GSE1: variants seen among roughly 807,000 people sequenced by gnomAD.
The protein encoded by GSE1 is genetic suppressor element 1.
Under a neutral mutation model 112.6 loss-of-function variants are expected in GSE1, and 32 were observed. The ratio of observed to expected loss-of-function variants is 0.28; its 90% CI spans 0.21 to 0.38. The LOEUF (loss-of-function observed/expected upper bound fraction) is 0.38, where lower values mean the gene tolerates loss of function less well. Ranked by LOEUF, GSE1 falls within the 10% of genes least tolerant of loss-of-function variation. The probability of loss-of-function intolerance (pLI) is 1.00; values close to 1 mark genes in which losing one functional copy is unlikely to be tolerated. For missense variants in GSE1, 2,348 were observed against 1,699.2 expected (o/e 1.38, Z -6.71); for synonymous variants, 1,115 against 735.6 (o/e 1.52, Z -8.35).
chr16:85,587,262 A>G (rs1263777575), intron 1 of GSE1, among the ~76,000 whole-genome samples: 1 of 152,126 alleles, frequency 6.6e-6, no homozygotes, highest in East Asian at 1.9e-4. Flanking sequence ...AAAGGGGGAA[A>G]CGGCGATGTG....
chr16:85,533,155 G>A (rs1330671425), intron 2 of GSE1, among the ~76,000 whole-genome samples: 1 of 152,128 alleles, frequency 6.6e-6, no homozygotes. Context: ...GCTCACGCCT[G>A]TAATCCCAGC....
At position 85,367,565 on chromosome 16, in the gene GSE1, C is replaced by T. The variant is rs74356125; in HGVS notation, c.2464+9922C>T. ...AGAGACCTGAGGGCGTGGCTTTAGA[C>T]GGGTGGTCGCAGAGGCCTAAGGAGG... is the stretch of plus-strand genomic sequence containing the variant. On this transcript the variant is annotated intron_variant, in intron 2 of 2. Coordinates refer to the GSE1 transcript ENST00000637419. 2.7e-4 allele frequency among the ~76,000 whole-genome samples: 41 copies of T among 152,274 alleles called. No homozygotes were observed. In the East Asian group the frequency reaches 6.6e-3, roughly 24 times the overall value.
intron 1 of GSE1, among the ~76,000 whole-genome samples, chr16:85,197,462 C>T (rs116142861): frequency 6.6e-6 from 1 of 152,206 alleles, no homozygotes; most frequent in African/African-American, 2.4e-5. Context: ...TCCAGCATAA[C>T]ACCCAGGGTG....
chr16:85,663,481 G>A lies in GSE1; in HGVS notation c.2511G>A (p.Gln837=), dbSNP rs763330643. 4.3e-6 allele frequency: 7 copies of A among 1,613,948 alleles called. No homozygotes were observed. The South Asian group carries it at 5.5e-5, about 13-fold the overall frequency. ...CCCCAACAATTCAGAGCAAGCGGCAGACGCCTTCACCGAGACTGGCGCTGT... is the reference window on the plus strand; with the variant it reads ...CCCCAACAATTCAGAGCAAGCGGCAAACGCCTTCACCGAGACTGGCGCTGT... ...PSPPTIQSKR[Q]TPSPRLALST... Residue 837 remains glutamine (Q), a synonymous_variant, in exon 11 of 16, where the codon CAG becomes CAA. Transcript: ENST00000253458.
intron 2 of GSE1, among the ~76,000 whole-genome samples, chr16:85,526,736 C>G (rs1026070150): frequency 6.6e-6 from 1 of 152,200 alleles, no homozygotes. Context: ...AGCCACCTCT[C>G]CCCTCACTTC....
intron 1 of GSE1, among the ~76,000 whole-genome samples, chr16:85,352,410 C>T (rs898179874): frequency 1.3e-5 from 2 of 152,322 alleles, no homozygotes; most frequent in Admixed American, 6.5e-5. Context: ...CCTGGCCAGT[C>T]CTCCGAGGCC....
intron 1 of GSE1, among the ~76,000 whole-genome samples, chr16:85,280,845 T>A (rs1305748282): frequency 6.6e-6 from 1 of 152,214 alleles, no homozygotes; most frequent in African/African-American, 2.4e-5. Context: ...GTGTCTGATT[T>A]CTTAGAAAGC....
intron 1 of GSE1, among the ~76,000 whole-genome samples, chr16:85,274,409 A>C (rs1039816768): frequency 6.6e-6 from 1 of 152,170 alleles, no homozygotes; most frequent in East Asian, 1.9e-4. Context: ...TAAATAAAAT[A>C]AAATAAATAA....
At chr16:85,529,263 C>A (rs1306054166) in intron 2 of GSE1, among the ~76,000 whole-genome samples, 1 of 152,154 alleles carries the variant, frequency 6.6e-6, no homozygotes, top group Non-Finnish European at 1.5e-5. Flanking sequence ...CCCGGAAGGC[C>A]ACGTCGGTGG....
chr16:85,259,776 C>G (rs1907476500), intron 1 of GSE1, among the ~76,000 whole-genome samples: 1 of 152,206 alleles, frequency 6.6e-6, no homozygotes, highest in African/African-American at 2.4e-5. Context: ...CTGGGACCCC[C>G]CACCCCTGCA....
At chr16:85,293,285 C>T (rs1266460925) in intron 1 of GSE1, among the ~76,000 whole-genome samples, 1 of 152,132 alleles carries the variant, frequency 6.6e-6, no homozygotes, top group East Asian at 1.9e-4. Context: ...GTGGCTCACA[C>T]CTATAATCCC....
intron 1 of GSE1, among the ~76,000 whole-genome samples, chr16:85,296,697 G>A (rs1383116945): frequency 6.6e-6 from 1 of 152,190 alleles, no homozygotes; most frequent in African/African-American, 2.4e-5. Flanking sequence ...CTGTGCAAAC[G>A]ACCTGGGCTA....
chr16:85,358,622 A>C (rs1217019037), intron 2 of GSE1, among the ~76,000 whole-genome samples: 1 of 152,094 alleles, frequency 6.6e-6, no homozygotes, highest in East Asian at 1.9e-4. Context: ...CTGGACTTTG[A>C]TCTGGGACCT....
At chr16:85,366,999 A>G (rs2047198614) in intron 2 of GSE1, among the ~76,000 whole-genome samples, 1 of 152,130 alleles carries the variant, frequency 6.6e-6, no homozygotes, top group Admixed American at 6.5e-5. Flanking sequence ...GAGCCGTGTC[A>G]CCAGGCACAG....
At chr16:85,288,520 G>A (rs1344819439) in intron 1 of GSE1, among the ~76,000 whole-genome samples, 1 of 152,246 alleles carries the variant, frequency 6.6e-6, no homozygotes, top group Non-Finnish European at 1.5e-5. Context: ...CCTGTTGAGA[G>A]CCCGCTGTGT....
chr16:85,516,812 T>TG (rs1406281184), intron 2 of GSE1, among the ~76,000 whole-genome samples: 2 of 150,648 alleles, frequency 1.3e-5, no homozygotes, highest in African/African-American at 4.9e-5. Flanking sequence ...TTTTTTTTTT[T>TG]TTTGAGACGG....
Position 85,199,126 on chromosome 16 carries a change from T to G in GSE1, c.2283+27319T>G, listed in dbSNP as rs1171631032. Among the ~76,000 whole-genome samples the G allele has an allele frequency of 5.9e-5, 9 of 152,070 alleles. No homozygotes were observed. The East Asian group carries it at 1.5e-3, about 26-fold the overall frequency. On this transcript the variant is annotated intron_variant, in intron 1 of 2. Transcript: ENST00000637419. ...TGCCCAGCTAATTTTTGTTTTGTTT[T>G]GTTTTGTTTTAGTAGAGACAGGGTT... is the stretch of plus-strand genomic sequence containing the variant.
At chr16:85,289,098 T>C (rs1259379276) in intron 1 of GSE1, among the ~76,000 whole-genome samples, 1 of 152,226 alleles carries the variant, frequency 6.6e-6, no homozygotes, top group Non-Finnish European at 1.5e-5. Context: ...AGGTTCATTT[T>C]ATCTTCAAAT....
intron 1 of GSE1, among the ~76,000 whole-genome samples, chr16:85,333,992 C>A (rs557492772): frequency 6.6e-6 from 1 of 152,308 alleles, no homozygotes; most frequent in South Asian, 2.1e-4. Context: ...CCAAAATGTC[C>A]CCGTCAGCCT....
Sources: gnomAD v4.1 joint callset for allele counts (sites outside exome capture counted in the v4.1 genomes callset) on GRCh38, gnomAD v4.1.1 for gene constraint, MANE v1.5 for transcripts, NCBI Gene and HGNC (gene_info 2026-07-23, HGNC 2026-07-21) for gene names.